Variants in SMC2 observed in about 807,000 individuals in gnomAD.
SMC2 encodes the protein structural maintenance of chromosomes protein 2.
In SMC2, 41 loss-of-function variants were observed where a neutral mutation model predicts 142.6. The ratio of observed to expected loss-of-function variants is 0.29; its 90% CI spans 0.22 to 0.37. The LOEUF (loss-of-function observed/expected upper bound fraction) is 0.37, where lower values mean the gene tolerates loss of function less well. Ranked by LOEUF, SMC2 falls within the 10% of genes least tolerant of loss-of-function variation. SMC2 has a pLI of 1.00. For missense variants in SMC2, 1,265 were observed against 1,373.7 expected, an observed-to-expected ratio of 0.92 and a Z score of 1.25; for synonymous variants, 463 against 457.5, an observed-to-expected ratio of 1.01 and a Z score of -0.15.
rs1833131553 is a variant in SMC2 at position 104,116,466 on chromosome 9, A to T, written c.1791+147A>T. On this transcript the variant is annotated intron_variant, in intron 14 of 24. Coordinates refer to ENST00000374793, the MANE Select transcript of SMC2 (RefSeq NM_006444.3). ...TTGGGTTGGCTTGTGCAATTAGATG[A>T]TAAGAGAATAGAGATGTTGGAAGAC... 9.4e-6 allele frequency: 6 copies of T among 635,778 alleles called. No individual in the cohort carries two copies. The Admixed American group carries it at 2.2e-4, about 24-fold the overall frequency. 39.4% of individuals were successfully genotyped at this position (635,778 alleles called of 1,614,324 possible). A position where few individuals can be genotyped will look rare whatever the true frequency, so the allele number is the denominator to read the frequency against.
intron 10 of SMC2, among the ~76,000 whole-genome samples, chr9:104,112,634 T>TCAGTTTG (rs1445527924): frequency 6.6e-6 from 1 of 152,150 alleles, no homozygotes; most frequent in Non-Finnish European, 1.5e-5. Flanking sequence ...TACTCTACTC[T>TCAGTTTG]CAGTTTGTCT....
rs775396928 is a variant in SMC2, at chr9:104,099,615, T to C, written c.442-29T>C. 2.0e-5 allele frequency: 29 copies of C among 1,432,598 alleles called. No homozygotes were observed. The African/African-American group carries it at 3.8e-4, about 19-fold the overall frequency. The allele number at this position is 1,432,598 out of a possible 1,614,324, so 88.7% of individuals were successfully genotyped here. On this transcript the variant is annotated intron_variant, in intron 4 of 24. Coordinates refer to ENST00000374793, the MANE Select transcript of SMC2 (RefSeq NM_006444.3). Reference sequence around the variant, plus strand: ...GATAAACATTTTCTGTAATTTGTTATCTTAGTAAGTTTGCTATTTTATTTT... The same window carrying C: ...GATAAACATTTTCTGTAATTTGTTACCTTAGTAAGTTTGCTATTTTATTTT...
intron 16 of SMC2, among the ~76,000 whole-genome samples, chr9:104,121,974 C>T (rs1198824168): frequency 1.3e-5 from 2 of 152,052 alleles, no homozygotes; most frequent in Non-Finnish European, 2.9e-5. Flanking sequence ...AGGTTGGTCT[C>T]GAACTCCTGG....
intron 20 of SMC2, among the ~76,000 whole-genome samples, chr9:104,129,372 C>A (rs779733502): frequency 2.0e-5 from 3 of 151,934 alleles, no homozygotes; most frequent in Non-Finnish European, 2.9e-5. Flanking sequence ...CGTGGTGGTA[C>A]ATACCTGTGA....
At chr9:104,138,661 T>C (rs1381960823) in intron 24 of SMC2, among the ~76,000 whole-genome samples, 1 of 152,156 alleles carries the variant, frequency 6.6e-6, no homozygotes, top group East Asian at 1.9e-4. Context: ...CTTGCATAAA[T>C]TATGCATTGT....
At chr9:104,134,671 C>A in intron 23 of SMC2, 96 bp downstream of exon 23, 1 of 840,114 alleles carries the variant, frequency 1.2e-6, no homozygotes, top group Non-Finnish European at 1.7e-6. Context: ...ACTACCTTTG[C>A]ATGTAGAATT....
At position 104,095,343 on chromosome 9, in the gene SMC2, T is replaced by C; in HGVS notation, c.-42T>C. 1 of 1,562,880 alleles carries C rather than the reference T, an allele frequency of 6.4e-7. No individual in the cohort carries two copies. The highest frequency in any genetic ancestry group is 8.8e-7 in the Non-Finnish European group (1 of 1,140,592). On this transcript the variant is annotated 5_prime_UTR_variant, in exon 2 of 25. Transcript: ENST00000374793. The stretch of plus-strand genomic sequence containing the variant: ...GTACAGAACTGGTTTGTGGCCTGTT[T>C]GATTCCTGTCAGAGGTTTGCTGACC...
At chr9:104,135,446 A>T (rs1835427397) in intron 23 of SMC2, among the ~76,000 whole-genome samples, 1 of 152,188 alleles carries the variant, frequency 6.6e-6, no homozygotes, top group South Asian at 2.1e-4. Flanking sequence ...AGAAAAAACA[A>T]CCAGCTTTAG....
intron 23 of SMC2, among the ~76,000 whole-genome samples, chr9:104,137,138 ACT>A (rs768659699): frequency 1.1e-4 from 17 of 151,744 alleles, no homozygotes; most frequent in Non-Finnish European, 2.1e-4. Flanking sequence ...ACAGAGCAAG[ACT>A]CTCAAAAACC....
rs1015496559 is a variant in SMC2, at chr9:104,140,213, A to G, written c.*898A>G. ...ATTTTTCCCTGAGTCTGATATATATATGTATAAATATAAATAACTCAATCC... is the reference window on the plus strand; with the variant it reads ...ATTTTTCCCTGAGTCTGATATATATGTGTATAAATATAAATAACTCAATCC... On this transcript the variant is annotated 3_prime_UTR_variant, in exon 25 of 25. Coordinates refer to ENST00000374793, the MANE Select transcript of SMC2 (RefSeq NM_006444.3). The G allele has an allele frequency of 6.6e-6, 1 of 152,118 alleles. No individual in the cohort carries two copies. Among genetic ancestry groups the G allele is most frequent in the African/African-American group, 2.4e-5 (1 of 41,442 alleles). 9.4% of individuals were successfully genotyped at this position (152,118 alleles called of 1,614,324 possible). A position where few individuals can be genotyped will look rare whatever the true frequency, so the allele number is the denominator to read the frequency against.
rs998861027 is a variant in SMC2 at position 104,123,427 on chromosome 9, G to A, written c.2257+195G>A. ...ATTGTATATCGTCAAAGGTCTGTTC[G>A]TTTTTACCAATACTCATTTCCACCA... On this transcript the variant is annotated intron_variant, in intron 17 of 24. Coordinates refer to ENST00000374793, the MANE Select transcript of SMC2 (RefSeq NM_006444.3). Among the ~76,000 whole-genome samples the A allele has an allele frequency of 7.9e-5, 12 of 152,166 alleles. No homozygotes were observed. The South Asian group carries it at 8.3e-4, about 11-fold the overall frequency.
At position 104,125,105 on chromosome 9, in the gene SMC2, G is replaced by T. The variant is rs372968302; in HGVS notation, c.2451G>T (p.Gln817His). 5 of 1,564,870 alleles carry T rather than the reference G, an allele frequency of 3.2e-6. No individual in the cohort carries two copies. Among genetic ancestry groups the T allele is most frequent in the Middle Eastern group, 1.7e-4 (1 of 5,808 alleles). Residue 817 changes from glutamine (Q) to histidine (H), a missense_variant and splice_region_variant, in exon 18 of 25, where the codon CAG (glutamine) becomes CAT (histidine). By Grantham distance (24) the Gln-to-His change is conservative. Transcript: ENST00000374793. ...ASSKKMKEKQ[Q>H]EVEAITLELE... is the part of the protein sequence containing the mutation. The stretch of plus-strand genomic sequence containing the variant: ...GCAAGAAGATGAAAGAAAAACAACA[G>T]GTAATAACTTCTTTTTGAAATTGAA...
rs990552269 is a variant in SMC2 at position 104,139,302 on chromosome 9, A to G, written c.3581A>G (p.His1194Arg). The change falls in exon 25 of 25, where the codon CAT becomes CGT. Residue 1194 changes from histidine (H) to arginine (R), a missense_variant. Around this residue, in one of 4 missense-constraint regions of SMC2, gnomAD observed 192 missense variants for 261.9 expected, o/e 0.73. Coordinates refer to ENST00000374793, the MANE Select transcript of SMC2 (RefSeq NM_006444.3). ...AAGGCAAAACCACCCAAAGGAGCAC[A>G]TGTGGAAGTTTAAACTACAAAGTTA... ...KSKAKPPKGA[H>R]VEV 11 of 1,582,948 alleles carry G rather than the reference A, an allele frequency of 6.9e-6. No homozygotes were observed. Among genetic ancestry groups the G allele is most frequent in the Non-Finnish European group, 9.4e-6 (11 of 1,170,778 alleles).
In SMC2 at chr9:104,127,531, C is replaced by G. The variant is rs548434411; in HGVS notation, c.2790+51C>G. 1.5e-5 allele frequency: 21 copies of G among 1,370,360 alleles called. No homozygotes were observed. The Admixed American group carries it at 5.2e-4, about 34-fold the overall frequency. 84.9% of individuals were successfully genotyped at this position (1,370,360 alleles called of 1,614,324 possible). On this transcript the variant is annotated intron_variant, in intron 20 of 24. Transcript: ENST00000374793. ...ACTAAATCAAATTTTTGTTACTGAG[C>G]TCTTGAAAAAATTTAGAAAACTGCT...
Position 104,102,545 on chromosome 9 carries a change from G to A in SMC2, c.992G>A (p.Arg331His), listed in dbSNP as rs751500565. ...AATCTGGCATGTGAGGAAAGCAAAC[G>A]CAAAGAGCTGGAAAAAAATATGGTT... ...KKNLACEESK[R>H]KELEKNMVED... Residue 331 changes from arginine to histidine, a missense_variant, in exon 9 of 25, where the codon CGC becomes CAC. Arg to His is a conservative substitution (Grantham distance 29). Around this residue, in one of 4 missense-constraint regions of SMC2, gnomAD observed 898 missense variants for 904.2 expected, o/e 0.99. Coordinates refer to ENST00000374793, the MANE Select transcript of SMC2 (RefSeq NM_006444.3). The A allele has an allele frequency of 6.2e-6, 10 of 1,613,004 alleles. No homozygotes were observed. The highest frequency in any genetic ancestry group is 5.0e-5 in the Admixed American group (3 of 59,830).
intron 13 of SMC2, among the ~76,000 whole-genome samples, chr9:104,115,430 C>T (rs1165838460): frequency 1.3e-5 from 2 of 151,846 alleles, no homozygotes; most frequent in Admixed American, 1.3e-4. Context: ...CAAAAGTTAC[C>T]CAGGCGTAGT....
intron 18 of SMC2, among the ~76,000 whole-genome samples, chr9:104,125,947 C>T (rs780404333): frequency 3.3e-5 from 5 of 150,284 alleles, no homozygotes; most frequent in Non-Finnish European, 5.9e-5. Flanking sequence ...CAGGGGTCCC[C>T]AACCCCCCAG....
In SMC2 at chr9:104,132,222, T is replaced by G. The variant is rs534623089; in HGVS notation, c.3108+97T>G. On this transcript the variant is annotated intron_variant, in intron 22 of 24. Coordinates refer to ENST00000374793, the MANE Select transcript of SMC2 (RefSeq NM_006444.3). ...AGAAATTTGAAATAGCTGATCTATG[T>G]TTGAATGAGGCACATATTCACACCT... is the stretch of plus-strand genomic sequence containing the variant. The G allele has an allele frequency of 1.4e-4, 98 of 708,742 alleles. No homozygotes were observed. In the African/African-American group the frequency reaches 1.7e-3, roughly 12 times the overall value. 43.9% of individuals were successfully genotyped at this position (708,742 alleles called of 1,614,324 possible).
chr9:104,099,966 A>G (rs980198933), intron 5 of SMC2, 127 bp from the exon 6 acceptor site: 2 of 658,466 alleles, frequency 3.0e-6, no homozygotes. Flanking sequence ...TTTAACCTAT[A>G]TGGTTCATTT....
Sources: allele counts gnomAD v4.1 joint callset (sites outside exome capture counted in the v4.1 genomes callset), GRCh38; gene constraint gnomAD v4.1.1; regional missense constraint gnomAD v4.1.1; transcripts MANE v1.5; gene names NCBI Gene and HGNC (gene_info 2026-07-23, HGNC 2026-07-21).